Variants in ITGAE observed in about 807,000 individuals in gnomAD.
ITGAE encodes integrin alpha-E.
Under a neutral mutation model 136.5 loss-of-function variants are expected in ITGAE, and 99 were observed. The observed-to-expected ratio is 0.73, with a 90% CI of 0.62 to 0.86. The LOEUF (loss-of-function observed/expected upper bound fraction) is 0.86, where lower values mean the gene tolerates loss of function less well. Ranked by LOEUF, ITGAE falls within the 40% of genes least tolerant of loss-of-function variation. ITGAE has a pLI of 0.00. For missense variants in ITGAE, 1,447 were observed against 1,515.3 expected, an observed-to-expected ratio of 0.95 and a Z score of 0.75; for synonymous variants, 613 against 591.8, an observed-to-expected ratio of 1.04 and a Z score of -0.52.
Position 3,750,464 on chromosome 17 carries a change from C to T in ITGAE, c.1912G>A (p.Val638Met). The part of the protein sequence containing the change: ...SPSQRIRAST[V>M]APGLQYFGMS... The stretch of plus-strand genomic sequence containing the variant: ...CCGAAGTACTGGAGTCCTGGGGCCA[C>T]CGTGGAGGCTCTGATCCGCTGTGGA... Residue 638 changes from valine (V) to methionine (M), a missense_variant, in exon 16 of 31, where the codon GTG becomes ATG. Around this residue, in one of 3 missense-constraint regions of ITGAE, gnomAD observed 1,031 missense variants for 1,011.4 expected, o/e 1.02. Coordinates refer to ENST00000263087, the MANE Select transcript of ITGAE (RefSeq NM_002208.5). The T allele has an allele frequency of 5.0e-6, 8 of 1,614,092 alleles. No individual in the cohort carries two copies. The highest frequency in any genetic ancestry group is 6.8e-6 in the Non-Finnish European group (8 of 1,180,012).
In ITGAE at chr17:3,763,970, A is replaced by AG; in HGVS notation, c.156-11dup. The AG allele has an allele frequency of 6.2e-7, 1 of 1,602,794 alleles. No individual in the cohort carries two copies. Among genetic ancestry groups the AG allele is most frequent in the African/African-American group, 1.3e-5 (1 of 74,612 alleles). On this transcript the variant is annotated splice_polypyrimidine_tract_variant and intron_variant, in intron 2 of 30. Coordinates refer to ENST00000263087, the MANE Select transcript of ITGAE (RefSeq NM_002208.5). The stretch of plus-strand genomic sequence containing the variant: ...GCTGGTGACCAGGAGCCTGAGTGGG[A>AG]GGGGAGGTTGCAAAGCTGAGCTGGC...
chr17:3,753,663 C>G lies in ITGAE; in HGVS notation c.1527+120G>C, dbSNP rs2051927157. The stretch of plus-strand genomic sequence containing the variant: ...AGAGCCCTCGAGCTCCACTCAGGAG[C>G]CTGAGTTTCACCCAGCCCGGGCCCT... On this transcript the variant is annotated intron_variant, in intron 13 of 30. Coordinates refer to ENST00000263087, the MANE Select transcript of ITGAE (RefSeq NM_002208.5). 6 of 1,323,980 alleles carry G rather than the reference C, an allele frequency of 4.5e-6. No homozygotes were observed. In the South Asian group the frequency reaches 5.5e-5, roughly 12 times the overall value. The allele number at this position is 1,323,980 out of a possible 1,614,324, so 82.0% of individuals were successfully genotyped here. A position where few individuals can be genotyped will look rare whatever the true frequency, so the allele number is the denominator to read the frequency against.
intron 14 of ITGAE, 120 bp downstream of exon 14, chr17:3,753,170 A>G: frequency 9.1e-7 from 1 of 1,096,620 alleles, no homozygotes; most frequent in Non-Finnish European, 1.3e-6. Flanking sequence ...CAGCCTGAGC[A>G]CCTCCCCATC....
rs571501394 is a variant in ITGAE at position 3,751,020 on chromosome 17, G to A, written c.1894-538C>T. 1.4e-4 allele frequency among the ~76,000 whole-genome samples: 21 copies of A among 152,090 alleles called. No individual in the cohort carries two copies. In the East Asian group the frequency reaches 3.3e-3, roughly 24 times the overall value. On this transcript the variant is annotated intron_variant, in intron 15 of 30. Transcript: ENST00000263087. ...GGGAGACAGCTAGAATCATGAGGACGTGGGAACTGACAGGCTGTGCAGGCT... is the reference window on the plus strand; with the variant it reads ...GGGAGACAGCTAGAATCATGAGGACATGGGAACTGACAGGCTGTGCAGGCT...
intron 27 of ITGAE, 102 bp from the exon 28 acceptor site, chr17:3,723,485 G>A (rs1462529323): frequency 5.8e-6 from 6 of 1,026,568 alleles, no homozygotes; most frequent in Admixed American, 3.6e-5. Context: ...CCAGAATAGA[G>A]GGTGTGAGCA....
At chr17:3,740,437 C>T (rs1274927144) in intron 19 of ITGAE, among the ~76,000 whole-genome samples, 1 of 152,274 alleles carries the variant, frequency 6.6e-6, no homozygotes, top group Non-Finnish European at 1.5e-5. Flanking sequence ...AGTGCAATGG[C>T]GCGATCTCGG....
chr17:3,761,538 G>C lies in ITGAE; in HGVS notation c.316-18C>G, dbSNP rs2052169612. The C allele has an allele frequency of 3.1e-6, 5 of 1,599,668 alleles. No homozygotes were observed. The highest frequency in any genetic ancestry group is 4.3e-6 in the Non-Finnish European group (5 of 1,172,062). On this transcript the variant is annotated intron_variant, in intron 4 of 30. Transcript: ENST00000263087. ...ATGCATATCTGTGGGAGGGAAGAGA[G>C]GGTGGGGAAACACCAGGTCACCTCC...
At chr17:3,720,044 A>G (rs1289640691) in intron 29 of ITGAE, among the ~76,000 whole-genome samples, 1 of 151,776 alleles carries the variant, frequency 6.6e-6, no homozygotes, top group Non-Finnish European at 1.5e-5. Flanking sequence ...TTTTTTTTTT[A>G]ATCAATCCAT....
At chr17:3,726,891 A>C (rs1242385596) in intron 26 of ITGAE, among the ~76,000 whole-genome samples, 1 of 151,454 alleles carries the variant, frequency 6.6e-6, no homozygotes, top group Non-Finnish European at 1.5e-5. Flanking sequence ...ATGCCCGGCT[A>C]ATTGTTTGTA....
chr17:3,757,981 C>T, intron 8 of ITGAE, 122 bp from the exon 9 acceptor site: 2 of 1,178,924 alleles, frequency 1.7e-6, no homozygotes, highest in Admixed American at 4.4e-5. Flanking sequence ...CCGAAAGACC[C>T]AGAGAAGGGG....
chr17:3,737,247 C>T (rs1355245221), intron 20 of ITGAE, among the ~76,000 whole-genome samples: 10 of 152,244 alleles, frequency 6.6e-5, no homozygotes, highest in East Asian at 5.8e-4. Flanking sequence ...GAGCCAAGAT[C>T]GCGCCACTGC....
chr17:3,723,566 AG>A (rs1296490330), intron 27 of ITGAE, 121 bp downstream of exon 27: 1 of 1,116,972 alleles, frequency 9.0e-7, no homozygotes, highest in Non-Finnish European at 1.3e-6. Flanking sequence ...GAAGCTAGGG[AG>A]GGCCTGGCAG....
In ITGAE at chr17:3,799,751, G is replaced by C. The variant is rs1337315953; in HGVS notation, c.34+1360C>G. 6.6e-6 allele frequency among the ~76,000 whole-genome samples: 1 copy of C among 152,210 alleles called. No homozygotes were observed. The highest frequency in any genetic ancestry group is 1.5e-5 in the Non-Finnish European group (1 of 68,034). On this transcript the variant is annotated intron_variant, in intron 1 of 30. Transcript: ENST00000263087. The surrounding 1 kb of genome is among the most constrained non-coding windows in gnomAD (Gnocchi z 4.1). The stretch of plus-strand genomic sequence containing the variant: ...CACACCCCACATGTAACTAAAAACA[G>C]AGAAGTCTAAATTGTAAAATAAAAG...
intron 1 of ITGAE, among the ~76,000 whole-genome samples, chr17:3,797,222 G>A (rs1411546534): frequency 2.8e-5 from 4 of 142,510 alleles, no homozygotes; most frequent in African/African-American, 1.0e-4. Flanking sequence ...CTGGAGTGCA[G>A]TGGCGCAATC....
chr17:3,761,383 A>G lies in ITGAE; in HGVS notation c.433+20T>C, dbSNP rs2052164532. On this transcript the variant is annotated intron_variant, in intron 5 of 30. Transcript: ENST00000263087. Reference sequence around the variant, plus strand: ...GATCTCTTTAGAGCTATCCAAGGCCAGTGAATGTCCAATCCTTACCAAGGT... The same window carrying G: ...GATCTCTTTAGAGCTATCCAAGGCCGGTGAATGTCCAATCCTTACCAAGGT... 4 of 1,601,256 alleles carry G rather than the reference A, an allele frequency of 2.5e-6. No homozygotes were observed. The East Asian group carries it at 8.9e-5, about 36-fold the overall frequency.
intron 30 of ITGAE, among the ~76,000 whole-genome samples, chr17:3,715,341 G>C (rs1380044499): frequency 1.3e-5 from 2 of 152,148 alleles, no homozygotes; most frequent in Non-Finnish European, 2.9e-5. Flanking sequence ...AGGAAAAAGA[G>C]ATAATTACAA....
At chr17:3,791,944 G>A (rs914063845) in intron 1 of ITGAE, among the ~76,000 whole-genome samples, 1 of 152,072 alleles carries the variant, frequency 6.6e-6, no homozygotes, top group Non-Finnish European at 1.5e-5. Flanking sequence ...TAGTTATCTC[G>A]TTTACCTGTG....
intron 26 of ITGAE, chr17:3,725,093 T>C (rs1405807381): frequency 6.2e-7 from 1 of 1,614,210 alleles, no homozygotes; most frequent in East Asian, 2.2e-5. Context: ...AAACCAGGGC[T>C]TCCTTCAGTT....
chr17:3,742,477 C>T lies in ITGAE; in HGVS notation c.2448+1012G>A, dbSNP rs547481735. ...TGTGGTTTTTTTTTTTTTTTTGAGA[C>T]GGAGTCTTTCTCTGTCACTCAGGCT... On this transcript the variant is annotated intron_variant, in intron 19 of 30. Coordinates refer to ENST00000263087, the MANE Select transcript of ITGAE (RefSeq NM_002208.5). 9.0e-4 allele frequency among the ~76,000 whole-genome samples: 107 copies of T among 119,450 alleles called. 1 individual carries two copies. In the South Asian group the frequency reaches 0.016, roughly 18 times the overall value. 78.4% of individuals were successfully genotyped at this position (119,450 alleles called of 152,430 possible).
Sources: gnomAD v4.1 joint callset for allele counts (sites outside exome capture counted in the v4.1 genomes callset) on GRCh38, gnomAD v4.1.1 for gene constraint, gnomAD v4.1.1 regional missense constraint, Gnocchi (gnomAD v3.1) non-coding constraint, MANE v1.5 for transcripts, NCBI Gene and HGNC (gene_info 2026-07-23, HGNC 2026-07-21) for gene names.